NELL1: variants seen among roughly 807,000 people sequenced by gnomAD.
NELL1 encodes neural EGFL like 1, also known as protein kinase C-binding protein NELL1.
NELL1 carries 76 observed loss-of-function variants against 107.4 expected under a neutral mutation model. That is an observed-to-expected ratio of 0.71 (90% confidence interval 0.59 to 0.86). The LOEUF (loss-of-function observed/expected upper bound fraction) is 0.86, where lower values mean the gene tolerates loss of function less well. NELL1 is among the 40% of genes least tolerant of loss of function. The probability of loss-of-function intolerance (pLI) is 0.00; values close to 1 mark genes in which losing one functional copy is unlikely to be tolerated. For missense variants in NELL1, 1,024 were observed against 1,005.5 expected (o/e 1.02, Z -0.25); for synonymous variants, 353 against 341.2 (o/e 1.03, Z -0.38).
chr11:20,888,777 A>G (rs1266968282), intron 5 of NELL1, among the ~76,000 whole-genome samples: 1 of 152,104 alleles, frequency 6.6e-6, no homozygotes, highest in African/African-American at 2.4e-5. Context: ...GTTAATTGGC[A>G]TGCTAGCAGG....
intron 2 of NELL1, among the ~76,000 whole-genome samples, chr11:20,703,081 C>A (rs930815978): frequency 1.4e-4 from 21 of 152,168 alleles, no homozygotes; most frequent in Admixed American, 1.1e-3. Flanking sequence ...AGGAATGGTA[C>A]CAGCTCTTGC....
At position 21,170,136 on chromosome 11, in the gene NELL1, A is replaced by G. The variant is rs373450282; in HGVS notation, c.1426+56422A>G. The G allele has an allele frequency of 2.2e-5, 15 of 686,614 alleles. No individual in the cohort carries two copies. In the East Asian group the frequency reaches 2.8e-4, roughly 13 times the overall value. 42.5% of individuals were successfully genotyped at this position (686,614 alleles called of 1,614,324 possible). A position where few individuals can be genotyped will look rare whatever the true frequency, so the allele number is the denominator to read the frequency against. Reference sequence around the variant, plus strand: ...CCACCCTTCAGGTCCACTTTGTTCCATGACTCCTTCAATACATGACTGGGA... The same window carrying G: ...CCACCCTTCAGGTCCACTTTGTTCCGTGACTCCTTCAATACATGACTGGGA... On this transcript the variant is annotated intron_variant, in intron 13 of 19. Transcript: ENST00000357134.
At chr11:21,142,086 C>G (rs1415658539) in intron 13 of NELL1, among the ~76,000 whole-genome samples, 1 of 151,940 alleles carries the variant, frequency 6.6e-6, no homozygotes. Flanking sequence ...TTCTGTATCT[C>G]TCTCCTATCA....
In NELL1 at chr11:21,213,272, A is replaced by G. The variant is rs571878140; in HGVS notation, c.1427-16060A>G. ...GCATACTGTATCCATGGATTAGATGACTCAATATAGTAAAGATGTCAATTC... is the reference window on the plus strand; with the variant it reads ...GCATACTGTATCCATGGATTAGATGGCTCAATATAGTAAAGATGTCAATTC... On this transcript the variant is annotated intron_variant, in intron 13 of 19. Coordinates refer to ENST00000357134, the MANE Select transcript of NELL1 (RefSeq NM_006157.5). Among the ~76,000 whole-genome samples, 4 of 152,268 alleles carry G rather than the reference A, an allele frequency of 2.6e-5. No homozygotes were observed. In the South Asian group the frequency reaches 8.3e-4, roughly 32 times the overall value.
At chr11:21,511,955 G>C (rs899527617) in intron 15 of NELL1, among the ~76,000 whole-genome samples, 1 of 152,176 alleles carries the variant, frequency 6.6e-6, no homozygotes, top group Non-Finnish European at 1.5e-5. Flanking sequence ...TCATAACAAA[G>C]AGGACATAAT....
chr11:21,104,322 G>A (rs1229769292), intron 12 of NELL1, among the ~76,000 whole-genome samples: 1 of 152,158 alleles, frequency 6.6e-6, no homozygotes, highest in African/African-American at 2.4e-5. Context: ...GAAATACCAG[G>A]TTGGGAAGAA....
chr11:21,164,567 A>G (rs865987635), intron 13 of NELL1, among the ~76,000 whole-genome samples: 1 of 152,210 alleles, frequency 6.6e-6, no homozygotes, highest in Non-Finnish European at 1.5e-5. Context: ...ACTAGATACT[A>G]CATTTTTAAT....
intron 16 of NELL1, among the ~76,000 whole-genome samples, chr11:21,537,038 C>T (rs1856157053): frequency 9.4e-6 from 1 of 106,496 alleles, no homozygotes; most frequent in African/African-American, 3.0e-5. Flanking sequence ...GAGTTGGAGT[C>T]ATTGGATTAG....
chr11:21,085,518 C>T (rs537117576), intron 12 of NELL1, among the ~76,000 whole-genome samples: 41 of 152,236 alleles, frequency 2.7e-4, no homozygotes, highest in Admixed American at 7.2e-4. Flanking sequence ...TATTTGTAGA[C>T]TCAGCTACTC....
chr11:20,749,338 G>A (rs1238607035), intron 2 of NELL1, among the ~76,000 whole-genome samples: 1 of 152,024 alleles, frequency 6.6e-6, no homozygotes, highest in South Asian at 2.1e-4. Flanking sequence ...TGTGTCTCAC[G>A]TCTGTAATCC....
Position 20,847,834 on chromosome 11 carries a change from C to T in NELL1, c.506+81C>T. On this transcript the variant is annotated intron_variant, in intron 4 of 19. Coordinates refer to ENST00000357134, the MANE Select transcript of NELL1 (RefSeq NM_006157.5). ...AAGGGGAAAAAATATCAAATTCCTTCAAGACTTGCCAGGAAACAAACACCA... is the reference window on the plus strand; with the variant it reads ...AAGGGGAAAAAATATCAAATTCCTTTAAGACTTGCCAGGAAACAAACACCA... 2.8e-6 allele frequency: 4 copies of T among 1,414,700 alleles called. No individual in the cohort carries two copies. The South Asian group carries it at 4.3e-5, about 15-fold the overall frequency. 87.6% of individuals were successfully genotyped at this position (1,414,700 alleles called of 1,614,324 possible).
intron 2 of NELL1, among the ~76,000 whole-genome samples, chr11:20,776,250 C>T (rs1372132887): frequency 3.9e-5 from 6 of 152,068 alleles, no homozygotes; most frequent in Admixed American, 1.3e-4. Flanking sequence ...CCAGCCTGAG[C>T]AACATGGCGA....
At chr11:21,269,290 A>G (rs1848693800) in intron 14 of NELL1, among the ~76,000 whole-genome samples, 1 of 151,906 alleles carries the variant, frequency 6.6e-6, no homozygotes, top group African/African-American at 2.4e-5. Flanking sequence ...TCAGACAACA[A>G]ACCATGTATT....
chr11:21,519,999 AAACAAC>A (rs925608425), intron 15 of NELL1, among the ~76,000 whole-genome samples: 67 of 152,252 alleles, frequency 4.4e-4, no homozygotes, highest in Non-Finnish European at 8.4e-4. Flanking sequence ...GCTTTGGGAA[AAACAAC>A]AACAACAACA....
At chr11:20,765,284 T>C (rs1306528373) in intron 2 of NELL1, among the ~76,000 whole-genome samples, 1 of 152,158 alleles carries the variant, frequency 6.6e-6, no homozygotes, top group African/African-American at 2.4e-5. Context: ...AGGCTTAATT[T>C]TCTAGGTTCA....
intron 12 of NELL1, among the ~76,000 whole-genome samples, chr11:21,098,489 G>C (rs907733500): frequency 5.3e-5 from 8 of 151,970 alleles, no homozygotes; most frequent in Non-Finnish European, 1.2e-4. Flanking sequence ...GCTTGTGTAG[G>C]ACTCAGGTAA....
intron 2 of NELL1, among the ~76,000 whole-genome samples, chr11:20,711,243 C>T (rs547754790): frequency 1.3e-5 from 2 of 152,166 alleles, no homozygotes; most frequent in South Asian, 4.1e-4. Flanking sequence ...TGAGCTTTTT[C>T]CACCCCTTTA....
chr11:21,041,754 G>T (rs572094023), intron 12 of NELL1, among the ~76,000 whole-genome samples: 2 of 152,320 alleles, frequency 1.3e-5, no homozygotes, highest in East Asian at 3.9e-4. Context: ...ACAAAATCAG[G>T]TGTATAGTGC....
At chr11:21,070,127 GT>G (rs780612041) in intron 12 of NELL1, among the ~76,000 whole-genome samples, 39 of 145,878 alleles carry the variant, frequency 2.7e-4, no homozygotes, top group East Asian at 6.0e-4. Flanking sequence ...CTCCAAGGCT[GT>G]TTTTTTTTTT....
Sources: gnomAD v4.1 joint callset for allele counts (sites outside exome capture counted in the v4.1 genomes callset) on GRCh38, gnomAD v4.1.1 for gene constraint, MANE v1.5 for transcripts, NCBI Gene and HGNC (gene_info 2026-07-23, HGNC 2026-07-21) for gene names.